Variants in FCN1 observed in about 807,000 individuals in gnomAD.
FCN1 encodes ficolin-1.
In FCN1, 42 loss-of-function variants were observed where a neutral mutation model predicts 35.6. The ratio of observed to expected loss-of-function variants is 1.18; its 90% CI spans 0.92 to 1.53. FCN1 has a LOEUF of 1.53. Among genes scored for constraint, FCN1 ranks in the 40% most tolerant of loss-of-function variants. The pLI is 0.00. For missense variants in FCN1, 439 were observed against 428.4 expected (o/e 1.02, Z -0.22); for synonymous variants, 179 against 169.8 (o/e 1.05, Z -0.42).
chr9:134,917,908 C>G lies in FCN1; in HGVS notation c.-37G>C. Reference sequence around the variant, plus strand: ...TTTGACTCTGAAGAGTCCCCCAGCTCTAACAGGGCAGAGGAAACCAGCTCT... The same window carrying G: ...TTTGACTCTGAAGAGTCCCCCAGCTGTAACAGGGCAGAGGAAACCAGCTCT... On this transcript the variant is annotated 5_prime_UTR_variant, in exon 1 of 9. Coordinates refer to ENST00000371806, the MANE Select transcript of FCN1 (RefSeq NM_002003.5). 6.8e-7 allele frequency: 1 copy of G among 1,463,360 alleles called. No homozygotes were observed. The highest frequency in any genetic ancestry group is 1.1e-5 in the South Asian group (1 of 88,124). 90.6% of individuals were successfully genotyped at this position (1,463,360 alleles called of 1,614,324 possible). A position where few individuals can be genotyped will look rare whatever the true frequency, so the allele number is the denominator to read the frequency against.
At chr9:134,913,478 G>T in intron 5 of FCN1, 103 bp downstream of exon 5, 1 of 891,796 alleles carries the variant, frequency 1.1e-6, no homozygotes, top group Non-Finnish European at 1.7e-6. Context: ...GATGATAGGT[G>T]CAGACAGGGT....
intron 7 of FCN1, 30 bp from the exon 8 acceptor site, chr9:134,911,297 C>A (rs781370739): frequency 5.0e-6 from 8 of 1,609,078 alleles, no homozygotes; most frequent in South Asian, 3.3e-5. Flanking sequence ...AGGCCCCAGC[C>A]TTTAAGATCT....
rs750777696 is a variant in FCN1 at position 134,909,691 on chromosome 9, C to T, written c.*107G>A. ...CTGGGGGCAAAGGGGCAGCTGTGGG[C>T]GTCATGGGAGTGTGTCTGGCTGGGG... On this transcript the variant is annotated 3_prime_UTR_variant, in exon 9 of 9. Coordinates refer to ENST00000371806, the MANE Select transcript of FCN1 (RefSeq NM_002003.5). 17 of 1,594,914 alleles carry T rather than the reference C, an allele frequency of 1.1e-5. No homozygotes were observed. The highest frequency in any genetic ancestry group is 5.3e-5 in the African/African-American group (4 of 74,814).
At chr9:134,916,991 C>G (rs960468055) in intron 1 of FCN1, among the ~76,000 whole-genome samples, 1 of 152,180 alleles carries the variant, frequency 6.6e-6, no homozygotes, top group Non-Finnish European at 1.5e-5. Context: ...AGGTGTGGCA[C>G]AGCTGCAGCC....
rs754641213 is a variant in FCN1, at chr9:134,913,088, G to A, written c.396C>T (p.His132=). The change falls in exon 6 of 9, where the codon CAC becomes CAT. Residue 132 remains histidine (H), a synonymous_variant. Coordinates refer to ENST00000371806, the MANE Select transcript of FCN1 (RefSeq NM_002003.5). ...GCCGGCAGTCGGGCAGGTAGATGGTGTGCCAGCCGCTCAGGAAATACCCCC... is the reference window on the plus strand; with the variant it reads ...GCCGGCAGTCGGGCAGGTAGATGGTATGCCAGCCGCTCAGGAAATACCCCC... ...LDRGYFLSGW[H]TIYLPDCRPL... 10 of 1,613,646 alleles carry A rather than the reference G, an allele frequency of 6.2e-6. No homozygotes were observed. The highest frequency in any genetic ancestry group is 8.5e-6 in the Non-Finnish European group (10 of 1,179,896).
Position 134,905,864 on chromosome 9 carries a change from C to CTTCT in FCN1, c.*3933_*3934insAGAA, listed in dbSNP as rs1830944722. The CTTCT allele has an allele frequency of 1.5e-4, 7 of 45,842 alleles. No homozygotes were observed. The highest frequency in any genetic ancestry group is 5.2e-4 in the Admixed American group (3 of 5,750). 2.8% of individuals were successfully genotyped at this position (45,842 alleles called of 1,614,324 possible). A position where few individuals can be genotyped will look rare whatever the true frequency, so the allele number is the denominator to read the frequency against. ...CCTCTTCCTCTTCCTCTTCCTCTTC[C>CTTCT]TCTTCTTCTTCTTCTTCTTCTTCTT... On this transcript the variant is annotated 3_prime_UTR_variant, in exon 9 of 9. Coordinates refer to ENST00000371806, the MANE Select transcript of FCN1 (RefSeq NM_002003.5).
Position 134,909,385 on chromosome 9 carries a change from GC to G in FCN1, c.*412del, listed in dbSNP as rs751743676. On this transcript the variant is annotated 3_prime_UTR_variant, in exon 9 of 9. Transcript: ENST00000371806. ...AGGCTTGGGGGTGGAGGTGAGGATC[GC>G]CCTGTGTCAATTACTGGAGGTGGAA... is the stretch of plus-strand genomic sequence containing the variant. The G allele has an allele frequency of 6.2e-6, 8 of 1,289,458 alleles. No homozygotes were observed. In the South Asian group the frequency reaches 9.9e-5, roughly 16 times the overall value. 79.9% of individuals were successfully genotyped at this position (1,289,458 alleles called of 1,614,324 possible).
In FCN1 at chr9:134,906,444, G is replaced by A. The variant is rs1588653584; in HGVS notation, c.*3354C>T. 1 of 152,210 alleles carries A rather than the reference G, an allele frequency of 6.6e-6. No individual in the cohort carries two copies. The highest frequency in any genetic ancestry group is 2.1e-4 in the South Asian group (1 of 4,814). The allele number at this position is 152,210 out of a possible 1,614,324, so 9.4% of individuals were successfully genotyped here. On this transcript the variant is annotated 3_prime_UTR_variant, in exon 9 of 9. Transcript: ENST00000371806. ...CTTCAAACATTTAAAATTGCAATAA[G>A]AAGTGGAATACACTCAAATTTCTCC...
chr9:134,910,169 G>A, intron 8 of FCN1, 124 bp from the exon 9 acceptor site: 2 of 903,576 alleles, frequency 2.2e-6, no homozygotes, highest in South Asian at 3.0e-5. Context: ...CGAGCTACAG[G>A]TGCACAAATG....
In FCN1 at chr9:134,917,805, T is replaced by C; in HGVS notation, c.67A>G (p.Lys23Glu). ...AVLLVLFLHIKNLPAQAADTC... is the reference protein window; with the variant it reads ...AVLLVLFLHIENLPAQAADTC... ...TCCGCAGCCTGGGCAGGCAGGTTCT[T>C]GATATGCAGGAACAAGACTAGCAGG... The change falls in exon 1 of 9, where the codon AAG becomes GAG. Residue 23 changes from lysine to glutamate, a missense_variant. Physicochemically the swap from Lys to Glu is moderately conservative, Grantham distance 56. Coordinates refer to ENST00000371806, the MANE Select transcript of FCN1 (RefSeq NM_002003.5). 1 of 1,613,988 alleles carries C rather than the reference T, an allele frequency of 6.2e-7. No individual in the cohort carries two copies.
chr9:134,915,330 C>A (rs780747207), intron 2 of FCN1, among the ~76,000 whole-genome samples: 15 of 152,186 alleles, frequency 9.9e-5, no homozygotes, highest in Non-Finnish European at 1.8e-4. Flanking sequence ...ACCCTCCCGT[C>A]CCCGATGCCA....
At chr9:134,912,859 G>A (rs1249314563) in intron 6 of FCN1, among the ~76,000 whole-genome samples, 157 bp downstream of exon 6, 2 of 152,250 alleles carry the variant, frequency 1.3e-5, no homozygotes, top group Admixed American at 6.5e-5. Flanking sequence ...CAGCCTCCCC[G>A]ATGGCCTGGA....
At chr9:134,915,512 C>T (rs1831081435) in intron 2 of FCN1, among the ~76,000 whole-genome samples, 1 of 152,178 alleles carries the variant, frequency 6.6e-6, no homozygotes, top group East Asian at 1.9e-4. Context: ...GTCTTCCTCC[C>T]CAGTGTTCCC....
intron 6 of FCN1, 111 bp from the exon 7 acceptor site, chr9:134,912,726 G>C (rs773259854): frequency 7.1e-7 from 1 of 1,417,610 alleles, no homozygotes; most frequent in Non-Finnish European, 9.8e-7. Flanking sequence ...ATCACAGGCC[G>C]GTGCCACACG....
chr9:134,915,201 C>T (rs1031363508), intron 2 of FCN1, among the ~76,000 whole-genome samples: 7 of 152,178 alleles, frequency 4.6e-5, no homozygotes, highest in Non-Finnish European at 4.4e-5. Context: ...ACCACGTCCC[C>T]ACACGGAGAG....
At chr9:134,914,716 T>A (rs1308431549) in intron 3 of FCN1, 40 bp downstream of exon 3, 1 of 1,489,576 alleles carries the variant, frequency 6.7e-7, no homozygotes. Context: ...AGCTCCAAGG[T>A]CCCTGCTCAA....
intron 2 of FCN1, among the ~76,000 whole-genome samples, chr9:134,915,577 G>A (rs1287136170): frequency 6.6e-6 from 1 of 152,178 alleles, no homozygotes; most frequent in Non-Finnish European, 1.5e-5. Context: ...TGGGCACAGA[G>A]GACCTGGCCC....
At chr9:134,914,257 C>A in intron 4 of FCN1, 128 bp downstream of exon 4, 1 of 858,580 alleles carries the variant, frequency 1.2e-6, no homozygotes. Flanking sequence ...TGGACTCCTT[C>A]CACCCCTCCC....
intron 7 of FCN1, among the ~76,000 whole-genome samples, chr9:134,911,543 G>A (rs147689322): frequency 2.0e-5 from 3 of 150,950 alleles, no homozygotes; most frequent in African/African-American, 7.3e-5. Flanking sequence ...TAGTAGAGAT[G>A]GGGTTTCACC....
Sources: allele counts gnomAD v4.1 joint callset (sites outside exome capture counted in the v4.1 genomes callset), GRCh38; gene constraint gnomAD v4.1.1; transcripts MANE v1.5; gene names NCBI Gene and HGNC (gene_info 2026-07-23, HGNC 2026-07-21).